COL23A1: variants seen among roughly 807,000 people sequenced by gnomAD.
The protein encoded by COL23A1 is collagen type XXIII alpha 1 chain, also known as collagen alpha-1(XXIII) chain.
In COL23A1, 97 loss-of-function variants were observed where a neutral mutation model predicts 99.3. The observed-to-expected ratio is 0.98, with a 90% CI of 0.83 to 1.16. The LOEUF is 1.16. Ranked by LOEUF, COL23A1 falls within the 50% of genes most tolerant of loss-of-function variation. The pLI is 0.00. For synonymous variants in COL23A1, 320 were observed against 308.2 expected (o/e 1.04, Z -0.40); for missense variants, 762 against 757.4 (o/e 1.01, Z -0.07).
At chr5:178,490,625 A>T (rs1757879776) in intron 2 of COL23A1, among the ~76,000 whole-genome samples, 1 of 152,184 alleles carries the variant, frequency 6.6e-6, no homozygotes, top group Non-Finnish European at 1.5e-5. Context: ...ATCTTTAAAA[A>T]AATTAGCCAG....
chr5:178,578,046 C>CA (rs1452916615), intron 1 of COL23A1, among the ~76,000 whole-genome samples: 1 of 151,598 alleles, frequency 6.6e-6, no homozygotes, highest in East Asian at 1.9e-4. Flanking sequence ...CACACACGTG[C>CA]ATGCACACAC....
chr5:178,306,827 G>A lies in COL23A1; in HGVS notation c.406+48C>T, dbSNP rs1758383943. On this transcript the variant is annotated intron_variant, in intron 3 of 28. Transcript: ENST00000390654. The surrounding 1 kb of genome is among the most constrained non-coding windows in gnomAD (Gnocchi z 4.1). Reference sequence around the variant, plus strand: ...CCCTGCAGTCAGAGCCTGGGGCCATGGTGGCTTCCAAGCCTTGGCTTAGGA... The same window carrying A: ...CCCTGCAGTCAGAGCCTGGGGCCATAGTGGCTTCCAAGCCTTGGCTTAGGA... 1 of 1,387,340 alleles carries A rather than the reference G, an allele frequency of 7.2e-7. No homozygotes were observed. Among genetic ancestry groups the A allele is most frequent in the Non-Finnish European group, 9.5e-7 (1 of 1,051,254 alleles). 85.9% of individuals were successfully genotyped at this position (1,387,340 alleles called of 1,614,324 possible).
chr5:178,522,373 T>C (rs1256494082), intron 2 of COL23A1, among the ~76,000 whole-genome samples: 2 of 152,152 alleles, frequency 1.3e-5, no homozygotes, highest in Non-Finnish European at 1.5e-5. Flanking sequence ...TTAGCCCACG[T>C]GAGTCCCAGT....
intron 3 of COL23A1, among the ~76,000 whole-genome samples, chr5:178,296,663 C>T (rs887738687): frequency 8.6e-5 from 13 of 151,974 alleles, no homozygotes; most frequent in African/African-American, 3.1e-4. Context: ...GCTGGTGAGG[C>T]GGTAGTCCAG....
At chr5:178,374,195 A>T (rs533406556) in intron 2 of COL23A1, among the ~76,000 whole-genome samples, 1 of 152,268 alleles carries the variant, frequency 6.6e-6, no homozygotes, top group African/African-American at 2.4e-5. Context: ...CAGCAAGGGC[A>T]TGGCTGATGC....
At chr5:178,487,828 TG>T (rs996625107) in intron 2 of COL23A1, among the ~76,000 whole-genome samples, 18 of 152,226 alleles carry the variant, frequency 1.2e-4, no homozygotes, top group African/African-American at 4.3e-4. Flanking sequence ...CCTGGGTCAC[TG>T]GAACAGGAAG....
intron 5 of COL23A1, among the ~76,000 whole-genome samples, chr5:178,284,146 T>C (rs917629140): frequency 2.0e-5 from 3 of 152,232 alleles, no homozygotes; most frequent in Admixed American, 2.0e-4. Flanking sequence ...GAGTTAGGAA[T>C]TATCCCTATG....
chr5:178,349,988 G>T (rs546540402), intron 2 of COL23A1, among the ~76,000 whole-genome samples: 4 of 152,156 alleles, frequency 2.6e-5, no homozygotes, highest in Non-Finnish European at 5.9e-5. Context: ...CCAGGGTCTC[G>T]GGTCCTATCA....
At chr5:178,399,662 T>C (rs896970791) in intron 2 of COL23A1, among the ~76,000 whole-genome samples, 2 of 151,742 alleles carry the variant, frequency 1.3e-5, no homozygotes, top group Admixed American at 6.6e-5. Context: ...GTGGGGAGGG[T>C]AGCAAAACAA....
intron 1 of COL23A1, among the ~76,000 whole-genome samples, chr5:178,578,880 G>A (rs961567790): frequency 6.6e-6 from 1 of 151,860 alleles, no homozygotes; most frequent in Non-Finnish European, 1.5e-5. Flanking sequence ...TTAGGTATTT[G>A]TGTGCCCTTT....
chr5:178,562,552 C>G (rs1023428560), intron 1 of COL23A1: 1 of 108,612 alleles, frequency 9.2e-6, no homozygotes, highest in Non-Finnish European at 1.8e-5. Context: ...GACTCCGTCT[C>G]AAATAAAAAA....
chr5:178,399,109 C>T (rs1332568451), intron 2 of COL23A1, among the ~76,000 whole-genome samples: 12 of 152,254 alleles, frequency 7.9e-5, no homozygotes, highest in Admixed American at 1.3e-4. Flanking sequence ...GTCATGCACA[C>T]GGATGCTGGC....
intron 2 of COL23A1, among the ~76,000 whole-genome samples, chr5:178,335,143 C>T (rs1561872154): frequency 1.3e-5 from 2 of 152,190 alleles, no homozygotes; most frequent in East Asian, 1.9e-4. Flanking sequence ...TGCCCTGGTG[C>T]GCCAACCAAG....
chr5:178,436,455 G>A (rs1336515676), intron 2 of COL23A1, among the ~76,000 whole-genome samples: 1 of 152,144 alleles, frequency 6.6e-6, no homozygotes, highest in African/African-American at 2.4e-5. Flanking sequence ...GGCAGGAAGA[G>A]CAGGTGCAGA....
chr5:178,291,158 T>C (rs1157799869), intron 3 of COL23A1, among the ~76,000 whole-genome samples: 1 of 152,122 alleles, frequency 6.6e-6, no homozygotes, highest in African/African-American at 2.4e-5. Flanking sequence ...ACCCCTAGGC[T>C]CTGTGCACTA....
At chr5:178,403,133 A>G (rs1463394527) in intron 2 of COL23A1, among the ~76,000 whole-genome samples, 2 of 146,356 alleles carry the variant, frequency 1.4e-5, no homozygotes, top group African/African-American at 5.3e-5. Flanking sequence ...TAAATAAATA[A>G]AAAATAAATA....
chr5:178,429,651 C>G (rs12652099), intron 2 of COL23A1, among the ~76,000 whole-genome samples: 16 of 152,086 alleles, frequency 1.1e-4, no homozygotes, highest in African/African-American at 3.9e-4. Flanking sequence ...TGAGGCTGCA[C>G]GCACTCTCGC....
rs751931374 is a variant in COL23A1, at chr5:178,249,204, G to A, written c.1062C>T (p.Gly354=). 1 of 1,614,184 alleles carries A rather than the reference G, an allele frequency of 6.2e-7. No individual in the cohort carries two copies. Among genetic ancestry groups the A allele is most frequent in the South Asian group, 1.1e-5 (1 of 91,086 alleles). Residue 354 remains glycine, a splice_region_variant and synonymous_variant, in exon 19 of 29, where the codon GGC becomes GGT. Coordinates refer to ENST00000390654, the MANE Select transcript of COL23A1 (RefSeq NM_173465.4). ...PGAPGIDGEK[G]PKGQKGDPGE... is the part of the protein sequence containing the mutation. ...CTGGGTCTCCTTTCTGTCCTTTGGG[G>A]CCCTGAAAGCCATAAGCACAAGGGA...
intron 2 of COL23A1, among the ~76,000 whole-genome samples, chr5:178,459,590 C>T (rs377518372): frequency 3.9e-5 from 6 of 152,248 alleles, no homozygotes; most frequent in African/African-American, 1.4e-4. Flanking sequence ...GGTGAAACCT[C>T]ATTTCTACTA....
Sources: allele counts gnomAD v4.1 joint callset (sites outside exome capture counted in the v4.1 genomes callset), GRCh38; gene constraint gnomAD v4.1.1; non-coding constraint Gnocchi (gnomAD v3.1); transcripts MANE v1.5; gene names NCBI Gene and HGNC (gene_info 2026-07-23, HGNC 2026-07-21).